The following KMT2A variants were observed in gnomAD, a reference collection of about 807,000 sequenced individuals.
The protein encoded by KMT2A is lysine methyltransferase 2A, also known as histone-lysine N-methyltransferase 2A.
Under a neutral mutation model 345.3 loss-of-function variants are expected in KMT2A, and 16 were observed. The ratio of observed to expected loss-of-function variants is 0.05; its 90% CI spans 0.03 to 0.07. The LOEUF is 0.07. KMT2A is among the 10% of genes least tolerant of loss of function. The probability of loss-of-function intolerance (pLI) is 1.00; values close to 1 mark genes in which losing one functional copy is unlikely to be tolerated. For missense variants in KMT2A, 3,272 were observed against 4,841.6 expected, an observed-to-expected ratio of 0.68 and a Z score of 9.62; for synonymous variants, 1,599 against 1,778.6, an observed-to-expected ratio of 0.90 and a Z score of 2.54.
In KMT2A at chr11:118,498,375, T is replaced by C; in HGVS notation, c.5808T>C (p.Cys1936=). Residue 1936 remains cysteine, a synonymous_variant, in exon 22 of 36, where the codon TGT becomes TGC. Coordinates refer to ENST00000534358, the MANE Select transcript of KMT2A (RefSeq NM_001197104.2). This position sits in a 1 kb window ranked among gnomAD's most constrained non-coding sequence, Gnocchi z 4.4. The stretch of plus-strand genomic sequence containing the variant: ...TGTTCTTTTTGGATTTTTAGAGATG[T>C]GAATTCTGCCAAAAGCCAGGAGCCA... The part of the protein sequence containing the change: ...MAVIRGKQLR[C]EFCQKPGATV... 2 of 1,607,476 alleles carry C rather than the reference T, an allele frequency of 1.2e-6. No homozygotes were observed. Among genetic ancestry groups the C allele is most frequent in the Non-Finnish European group, 1.7e-6 (2 of 1,178,286 alleles).
intron 6 of KMT2A, 82 bp downstream of exon 6, chr11:118,480,320 C>CT (rs543535134): frequency 3.6e-3 from 3,437 of 955,796 alleles, no homozygotes; most frequent in South Asian, 4.8e-3. Flanking sequence ...GAAGAGAATA[C>CT]TTTTTTTTTT....
At position 118,507,592 on chromosome 11, in the gene KMT2A, G is replaced by C; in HGVS notation, c.10818G>C (p.Glu3606Asp). ...GCGTGGAGCAGTCCTCCCAGAAGGA[G>C]TGTGGGCAACCTGCAGGGTAAGCTG... ...TASVEQSSQK[E>D]CGQPAGQVAV... is the part of the protein sequence containing the mutation. Residue 3606 changes from glutamate to aspartate, a missense_variant, in exon 28 of 36, where the codon GAG (glutamate) becomes GAC (aspartate). Coordinates refer to ENST00000534358, the MANE Select transcript of KMT2A (RefSeq NM_001197104.2). 1 of 1,613,994 alleles carries C rather than the reference G, an allele frequency of 6.2e-7. No individual in the cohort carries two copies. The highest frequency in any genetic ancestry group is 8.5e-7 in the Non-Finnish European group (1 of 1,179,828).
chr11:118,502,712 G>T lies in KMT2A; in HGVS notation c.6820G>T (p.Val2274Phe). The part of the protein sequence containing the change: ...STSSNLQRTV[V>F]TVGNKNSHLD... ...CTCTTCAAATTTGCAAAGGACAGTG[G>T]TTACTGTAGGCAATAAAAACAGTCA... Residue 2274 changes from valine (V) to phenylalanine (F), a missense_variant, in exon 27 of 36, where the codon GTT (valine) becomes TTT (phenylalanine). Coordinates refer to ENST00000534358, the MANE Select transcript of KMT2A (RefSeq NM_001197104.2). This position sits in a 1 kb window ranked among gnomAD's most constrained non-coding sequence, Gnocchi z 4.9. The T allele has an allele frequency of 1.2e-6, 2 of 1,614,080 alleles. No homozygotes were observed. The highest frequency in any genetic ancestry group is 2.2e-5 in the South Asian group (2 of 91,080).
At chr11:118,482,358 A>G in intron 7 of KMT2A, 64 bp from the exon 8 acceptor site, 1 of 1,102,966 alleles carries the variant, frequency 9.1e-7, no homozygotes, top group Non-Finnish European at 1.3e-6. Flanking sequence ...CTTTCTTCAC[A>G]GGTCAGTCAG....
rs1950706514 is a variant in KMT2A at position 118,512,352 on chromosome 11, CT to C, written c.11146+328del. On this transcript the variant is annotated intron_variant, in intron 31 of 35. Coordinates refer to ENST00000534358, the MANE Select transcript of KMT2A (RefSeq NM_001197104.2). ...TTCTGTCTCTATGTATTTGATTATT[CT>C]GGACATTTCATATAAATGAAATCAG... 8 of 300,214 alleles carry C rather than the reference CT, an allele frequency of 2.7e-5. No homozygotes were observed. The East Asian group carries it at 5.6e-4, about 21-fold the overall frequency. The allele number at this position is 300,214 out of a possible 1,614,324, so 18.6% of individuals were successfully genotyped here.
chr11:118,513,040 A>G (rs1432228062), intron 31 of KMT2A, among the ~76,000 whole-genome samples: 6 of 152,074 alleles, frequency 3.9e-5, no homozygotes, highest in African/African-American at 1.4e-4. Flanking sequence ...GGAGTTCAAG[A>G]CCAGCCTGGG....
At position 118,506,042 on chromosome 11, in the gene KMT2A, C is replaced by T. The variant is rs1395548900; in HGVS notation, c.10150C>T (p.Leu3384Phe). Reference sequence around the variant, plus strand: ...CCCAGATATTGGCTCAATAAGCAATCTTTTAATCAAAGCTAGCCAGCAGAG... The same window carrying T: ...CCCAGATATTGGCTCAATAAGCAATTTTTTAATCAAAGCTAGCCAGCAGAG... ...GTPDIGSISN[L>F]LIKASQQSLG... The change falls in exon 27 of 36, where the codon CTT (leucine) becomes TTT (phenylalanine). Residue 3384 changes from leucine to phenylalanine, a missense_variant. By Grantham distance (22) the Leu-to-Phe change is conservative (BLOSUM62 0). Around this residue, in one of 27 missense-constraint regions of KMT2A, gnomAD observed 748 missense variants for 922.2 expected, o/e 0.81. Coordinates refer to ENST00000534358, the MANE Select transcript of KMT2A (RefSeq NM_001197104.2). 1 of 1,614,092 alleles carries T rather than the reference C, an allele frequency of 6.2e-7. No homozygotes were observed. The highest frequency in any genetic ancestry group is 2.2e-5 in the East Asian group (1 of 44,896).
chr11:118,448,036 A>C (rs1460356940), intron 1 of KMT2A: 1 of 153,184 alleles, frequency 6.5e-6, no homozygotes, highest in Non-Finnish European at 1.5e-5. Flanking sequence ...ATCAGTAAAT[A>C]AATTCTTATT....
At position 118,488,765 on chromosome 11, in the gene KMT2A, A is replaced by C. The variant is rs1555041650; in HGVS notation, c.4479+5A>C. ...AGGCAACATCAGGCTACAAAGGTAC[A>C]AAACTTGGTAATAGAACTACAGCTG... On this transcript the variant is annotated splice_donor_5th_base_variant and intron_variant, in intron 11 of 35. Coordinates refer to ENST00000534358, the MANE Select transcript of KMT2A (RefSeq NM_001197104.2). 1 of 1,613,924 alleles carries C rather than the reference A, an allele frequency of 6.2e-7. No individual in the cohort carries two copies. Among genetic ancestry groups the C allele is most frequent in the Admixed American group, 1.7e-5 (1 of 59,984 alleles).
intron 1 of KMT2A, among the ~76,000 whole-genome samples, chr11:118,456,227 T>A (rs1306206635): frequency 4.6e-5 from 7 of 152,140 alleles, no homozygotes; most frequent in Admixed American, 2.0e-4. Context: ...GGGCCATGCA[T>A]GGTGGCTAAC....
chr11:118,521,121 C>G lies in KMT2A; in HGVS notation c.11514-167C>G, dbSNP rs1783847439. ...GTCACAGAATGGAAATAACTTTCAT[C>G]TTTGGCCATGTGTTAGATGGCCAAA... On this transcript the variant is annotated intron_variant, in intron 34 of 35. Coordinates refer to ENST00000534358, the MANE Select transcript of KMT2A (RefSeq NM_001197104.2). The surrounding 1 kb of genome is among the most constrained non-coding windows in gnomAD (Gnocchi z 5.3). 1.4e-6 allele frequency: 1 copy of G among 725,502 alleles called. No individual in the cohort carries two copies. Among genetic ancestry groups the G allele is most frequent in the Non-Finnish European group, 2.3e-6 (1 of 431,898 alleles). 44.9% of individuals were successfully genotyped at this position (725,502 alleles called of 1,614,324 possible).
intron 1 of KMT2A, among the ~76,000 whole-genome samples, chr11:118,463,596 T>A (rs1411910788): frequency 5.9e-5 from 9 of 152,252 alleles, no homozygotes; most frequent in African/African-American, 1.9e-4. Context: ...TAAATATTTA[T>A]TGTTTTATAT....
Position 118,488,663 on chromosome 11 carries a change from A to C in KMT2A, c.4382A>C (p.Glu1461Ala). 1 of 1,614,162 alleles carries C rather than the reference A, an allele frequency of 6.2e-7. No individual in the cohort carries two copies. The highest frequency in any genetic ancestry group is 8.5e-7 in the Non-Finnish European group (1 of 1,180,020). ...GAGCCCTTCCACAAGTTTTGTTTAG[A>C]GGAGAACGAGCGCCCTCTGGAGGAC... ...CCEPFHKFCLEENERPLEDQL... is the reference protein window; with the variant it reads ...CCEPFHKFCLAENERPLEDQL... The change falls in exon 11 of 36, where the codon GAG becomes GCG. Residue 1461 changes from glutamate (E) to alanine (A), a missense_variant. Glu to Ala is a moderately radical substitution (Grantham distance 107). This residue lies in a region of KMT2A where 120 missense variants were observed against 280.4 expected (regional missense o/e 0.43). Transcript: ENST00000534358.
At chr11:118,442,912 C>A (rs934868324) in intron 1 of KMT2A, among the ~76,000 whole-genome samples, 1 of 152,042 alleles carries the variant, frequency 6.6e-6, no homozygotes, top group South Asian at 2.1e-4. Context: ...AAAAAGGAAT[C>A]TTAAGTCCTT....
rs1555044597 is a variant in KMT2A, at chr11:118,498,146, ATGG to A, written c.5802+74_5802+76del. Reference sequence around the variant, plus strand: ...CCAGATATTCTTCCTGTGGGTGAATATGGCCTCCCTGATATTTTTCACAGTGCC... The same window carrying A: ...CCAGATATTCTTCCTGTGGGTGAATACCTCCCTGATATTTTTCACAGTGCC... On this transcript the variant is annotated intron_variant, in intron 21 of 35. Coordinates refer to ENST00000534358, the MANE Select transcript of KMT2A (RefSeq NM_001197104.2). This position sits in a 1 kb window ranked among gnomAD's most constrained non-coding sequence, Gnocchi z 4.4. 6.6e-7 allele frequency: 1 copy of A among 1,520,112 alleles called. No homozygotes were observed. The highest frequency in any genetic ancestry group is 1.4e-5 in the African/African-American group (1 of 72,740). 94.2% of individuals were successfully genotyped at this position (1,520,112 alleles called of 1,614,324 possible). A position where few individuals can be genotyped will look rare whatever the true frequency, so the allele number is the denominator to read the frequency against.
At position 118,506,630 on chromosome 11, in the gene KMT2A, C is replaced by G. The variant is rs782617059; in HGVS notation, c.10738C>G (p.Leu3580Val). 23 of 1,602,448 alleles carry G rather than the reference C, an allele frequency of 1.4e-5. No individual in the cohort carries two copies. Among genetic ancestry groups the G allele is most frequent in the Non-Finnish European group, 1.7e-5 (20 of 1,173,106 alleles). ...CATTCCAGACCAAGAAACGACATCC[C>G]TGACCTCAGGCACAGGGTGAGAGAT... is the stretch of plus-strand genomic sequence containing the variant. ...AHIPDQETTSLTSGTGTPGAE... is the reference protein window; with the variant it reads ...AHIPDQETTSVTSGTGTPGAE... Residue 3580 changes from leucine (L) to valine (V), a missense_variant, in exon 27 of 36, where the codon CTG becomes GTG. By Grantham distance (32) the Leu-to-Val change is conservative. Around this residue, in one of 27 missense-constraint regions of KMT2A, gnomAD observed 748 missense variants for 922.2 expected, o/e 0.81. Coordinates refer to ENST00000534358, the MANE Select transcript of KMT2A (RefSeq NM_001197104.2).
rs781846955 is a variant in KMT2A at position 118,506,252 on chromosome 11, C to G, written c.10360C>G (p.Gln3454Glu). The change falls in exon 27 of 36, where the codon CAG becomes GAG. Residue 3454 changes from glutamine to glutamate, a missense_variant. Around this residue, in one of 27 missense-constraint regions of KMT2A, gnomAD observed 748 missense variants for 922.2 expected, o/e 0.81. Coordinates refer to ENST00000534358, the MANE Select transcript of KMT2A (RefSeq NM_001197104.2). Reference sequence around the variant, plus strand: ...TTCTGGGGAAGCAGACGAACACTATCAGCTTCAGCATGTGAACCAGCTCCT... The same window carrying G: ...TTCTGGGGAAGCAGACGAACACTATGAGCTTCAGCATGTGAACCAGCTCCT... ...SPSGEADEHYQLQHVNQLLAS... is the reference protein window; with the variant it reads ...SPSGEADEHYELQHVNQLLAS... 1.2e-5 allele frequency: 20 copies of G among 1,614,220 alleles called. No homozygotes were observed. In the Admixed American group the frequency reaches 3.2e-4, roughly 26 times the overall value.
At chr11:118,485,460 C>T (rs1159768904) in intron 10 of KMT2A, among the ~76,000 whole-genome samples, 2 of 152,074 alleles carry the variant, frequency 1.3e-5, no homozygotes, top group Non-Finnish European at 2.9e-5. Context: ...GGGAGGGTGT[C>T]TGTTTTTTAG....
Position 118,436,911 on chromosome 11 carries a change from T to C in KMT2A, c.399T>C (p.Phe133=). The change falls in exon 1 of 36, where the codon TTT becomes TTC. Residue 133 remains phenylalanine, a synonymous_variant. Coordinates refer to ENST00000534358, the MANE Select transcript of KMT2A (RefSeq NM_001197104.2). This position sits in a 1 kb window ranked among gnomAD's most constrained non-coding sequence, Gnocchi z 6.9. ...ACCTGCGCCGGTTCCGGGCCGTGTT[T>C]GGGGAGAGCGGCGGGGGAGGCGGCA... ...GTNLRRFRAV[F]GESGGGGGSG... is the part of the protein sequence containing the mutation. The C allele has an allele frequency of 1.3e-6, 2 of 1,569,586 alleles. No homozygotes were observed. The highest frequency in any genetic ancestry group is 1.7e-6 in the Non-Finnish European group (2 of 1,155,990).
Sources: allele counts gnomAD v4.1 joint callset (sites outside exome capture counted in the v4.1 genomes callset), GRCh38; gene constraint gnomAD v4.1.1; regional missense constraint gnomAD v4.1.1; non-coding constraint Gnocchi (gnomAD v3.1); transcripts MANE v1.5; gene names NCBI Gene and HGNC (gene_info 2026-07-23, HGNC 2026-07-21).